Variants in ATM observed in about 807,000 individuals in gnomAD.
ATM encodes the protein ATM serine/threonine kinase.
Under a neutral mutation model 387.0 loss-of-function variants are expected in ATM, and 308 were observed. The observed-to-expected ratio is 0.80, with a 90% CI of 0.73 to 0.87. The LOEUF (loss-of-function observed/expected upper bound fraction) is 0.87. Ranked by LOEUF, ATM falls within the 40% of genes least tolerant of loss-of-function variation. The pLI, the probability that ATM is intolerant of heterozygous loss-of-function variation, is 0.00. For missense variants in ATM, 3,312 were observed against 3,560.9 expected (o/e 0.93, Z 1.78); for synonymous variants, 1,156 against 1,187.3 (o/e 0.97, Z 0.54).
chr11:108,337,217 G>A (rs2086946898), intron 56 of ATM, among the ~76,000 whole-genome samples: 1 of 152,144 alleles, frequency 6.6e-6, no homozygotes, highest in Non-Finnish European at 1.5e-5. Context: ...GGTTGGGAGA[G>A]GGGCATACTG....
At chr11:108,235,553 C>A in intron 4 of ATM, 117 bp from the exon 5 acceptor site, 2 of 1,007,800 alleles carry the variant, frequency 2.0e-6, no homozygotes, top group Non-Finnish European at 1.4e-6. Flanking sequence ...TTCTTCTCTA[C>A]AAAAGAAGTT....
At chr11:108,340,946 G>T (rs1020151081) in intron 56 of ATM, among the ~76,000 whole-genome samples, 8 of 151,876 alleles carry the variant, frequency 5.3e-5, no homozygotes, top group Non-Finnish European at 1.0e-4. Flanking sequence ...AGGTTTTTTT[G>T]GTGAATATTT....
At chr11:108,240,975 A>T (rs2079526764) in intron 5 of ATM, among the ~76,000 whole-genome samples, 1 of 152,190 alleles carries the variant, frequency 6.6e-6, no homozygotes, top group African/African-American at 2.4e-5. Context: ...CTGTACAAAA[A>T]TATTTTTTCC....
intron 1 of ATM, chr11:108,225,562 C>T (rs2078697709): frequency 6.6e-6 from 1 of 152,224 alleles, no homozygotes; most frequent in South Asian, 2.1e-4. Flanking sequence ...CACTTTCCGC[C>T]TCCTGGGTTC....
rs754245181 is a variant in ATM at position 108,330,398 on chromosome 11, T to C, written c.7492T>C (p.Ser2498Pro). Residue 2498 changes from serine to proline, a missense_variant, in exon 50 of 63, where the codon TCT becomes CCT. Transcript: ENST00000675843. ...CCTCTGGCTTGAAAATTCTGGAGTT[T>C]CTGAAGTCAATGGCATGATGAAGGC... Reference protein sequence around the residue: ...CSLWLENSGVSEVNGMMKRDG... With the variant: ...CSLWLENSGVPEVNGMMKRDG... The C allele has an allele frequency of 6.2e-7, 1 of 1,614,146 alleles. No homozygotes were observed. Among genetic ancestry groups the C allele is most frequent in the Non-Finnish European group, 8.5e-7 (1 of 1,179,998 alleles).
intron 61 of ATM, among the ~76,000 whole-genome samples, chr11:108,356,788 TAGG>T (rs775089633): frequency 1.6e-4 from 24 of 152,146 alleles, no homozygotes; most frequent in Non-Finnish European, 3.1e-4. Context: ...TTTAGAGTAG[TAGG>T]AGATCAAATG....
intron 59 of ATM, among the ~76,000 whole-genome samples, chr11:108,351,967 A>G (rs1031777926): frequency 8.5e-5 from 13 of 152,138 alleles, no homozygotes; most frequent in African/African-American, 3.1e-4. Flanking sequence ...CCCTTTCCCT[A>G]TTGAGTGTCA....
chr11:108,310,856 T>C (rs2084097392), intron 39 of ATM, among the ~76,000 whole-genome samples: 1 of 152,188 alleles, frequency 6.6e-6, no homozygotes, highest in Admixed American at 6.5e-5. Flanking sequence ...GAGTTAGAAC[T>C]GTCATAAGAA....
chr11:108,269,247 A>C (rs2081437806), intron 18 of ATM, among the ~76,000 whole-genome samples: 1 of 152,128 alleles, frequency 6.6e-6, no homozygotes, highest in Admixed American at 6.5e-5. Flanking sequence ...TAGTCTGTTT[A>C]GTCTCCTTCA....
chr11:108,359,514 C>T (rs1421172848), intron 61 of ATM, among the ~76,000 whole-genome samples: 3 of 152,086 alleles, frequency 2.0e-5, no homozygotes, highest in Admixed American at 6.6e-5. Flanking sequence ...CACCACACCA[C>T]ACCTATTCCA....
chr11:108,337,589 A>G (rs954665499), intron 56 of ATM, among the ~76,000 whole-genome samples: 1 of 152,212 alleles, frequency 6.6e-6, no homozygotes, highest in African/African-American at 2.4e-5. Flanking sequence ...TTGATGCTGC[A>G]CTGGTCCAGG....
At chr11:108,340,222 C>T (rs2087374709) in intron 56 of ATM, 2 of 152,034 alleles carry the variant, frequency 1.3e-5, no homozygotes, top group African/African-American at 4.8e-5. Flanking sequence ...CATCATGAAC[C>T]CCCTTGTACT....
chr11:108,293,886 A>ATATAT (rs1555100904), intron 31 of ATM, among the ~76,000 whole-genome samples: 16 of 103,456 alleles, frequency 1.5e-4, no homozygotes, highest in South Asian at 3.5e-4. Context: ...TCAAAAAAAA[A>ATATAT]AAAAAAAAAT....
chr11:108,234,477 A>G (rs1037631266), intron 4 of ATM, among the ~76,000 whole-genome samples: 6 of 152,214 alleles, frequency 3.9e-5, no homozygotes, highest in African/African-American at 1.4e-4. Context: ...ACCTTCAAGA[A>G]TATGTGTGTA....
intron 43 of ATM, among the ~76,000 whole-genome samples, chr11:108,318,156 G>A (rs936893718): frequency 9.2e-5 from 14 of 152,162 alleles, no homozygotes; most frequent in African/African-American, 3.4e-4. Context: ...GAGCTCAGGA[G>A]TTTGAGACCA....
rs746945284 is a variant in ATM, at chr11:108,302,902, A to G, written c.5369A>G (p.Asp1790Gly). 6 of 1,613,404 alleles carry G rather than the reference A, an allele frequency of 3.7e-6. No individual in the cohort carries two copies. The East Asian group carries it at 1.3e-4, about 36-fold the overall frequency. Reference sequence around the variant, plus strand: ...AAAGAAAACCCTTTTGAAGGCCTGGATGATATAAATCTGTGGATTCCTCTA... The same window carrying G: ...AAAGAAAACCCTTTTGAAGGCCTGGGTGATATAAATCTGTGGATTCCTCTA... ...FDKENPFEGL[D>G]DINLWIPLSE... The change falls in exon 36 of 63, where the codon GAT (aspartate) becomes GGT (glycine). Residue 1790 changes from aspartate (D) to glycine (G), a missense_variant. Physicochemically the swap from Asp to Gly is moderately conservative, Grantham distance 94. Around this residue, in one of 4 missense-constraint regions of ATM, gnomAD observed 1,405 missense variants for 1,604.4 expected, o/e 0.88. Coordinates refer to ENST00000675843, the MANE Select transcript of ATM (RefSeq NM_000051.4).
At chr11:108,300,126 CAAAT>C (rs1247765653) in intron 34 of ATM, among the ~76,000 whole-genome samples, 3 of 151,896 alleles carry the variant, frequency 2.0e-5, no homozygotes, top group African/African-American at 4.8e-5. Context: ...TGGGACTAGA[CAAAT>C]AAACGATAAA....
chr11:108,257,400 C>T (rs2135403933), intron 14 of ATM, 81 bp from the exon 15 acceptor site: 2 of 1,523,312 alleles, frequency 1.3e-6, no homozygotes, highest in Non-Finnish European at 1.8e-6. Context: ...ATAGTATGTC[C>T]AAGATCAAAG....
chr11:108,335,945 C>G lies in ATM; in HGVS notation c.8252C>G (p.Thr2751Ser), dbSNP rs2086800136. 6.2e-7 allele frequency: 1 copy of G among 1,609,342 alleles called. No individual in the cohort carries two copies. The highest frequency in any genetic ancestry group is 8.5e-7 in the Non-Finnish European group (1 of 1,175,776). The change falls in exon 56 of 63, where the codon ACT (threonine) becomes AGT (serine). Residue 2751 changes from threonine (T) to serine (S), a missense_variant. By Grantham distance (58) the Thr-to-Ser change is moderately conservative (BLOSUM62 1). This residue lies in a region of ATM where 1,405 missense variants were observed against 1,604.4 expected (regional missense o/e 0.88). Transcript: ENST00000675843. ...RNTETRKRKLTICTYKVVPLS... is the reference protein window; with the variant it reads ...RNTETRKRKLSICTYKVVPLS... ...ACGGAAACTAGGAAGAGGAAATTAA[C>G]TATCTGTACTTATAAGGTAACTATT...
Sources: allele counts gnomAD v4.1 joint callset (sites outside exome capture counted in the v4.1 genomes callset), GRCh38; gene constraint gnomAD v4.1.1; regional missense constraint gnomAD v4.1.1; transcripts MANE v1.5; gene names NCBI Gene and HGNC (gene_info 2026-07-23, HGNC 2026-07-21).